The following FLT1 variants were observed in gnomAD, a reference collection of about 807,000 sequenced individuals.
FLT1 encodes the protein fms related receptor tyrosine kinase 1.
Under a neutral mutation model 156.3 loss-of-function variants are expected in FLT1, and 49 were observed. The observed-to-expected ratio is 0.31, with a 90% CI of 0.25 to 0.40. The LOEUF (loss-of-function observed/expected upper bound fraction) is 0.40. Among genes scored for constraint, FLT1 ranks in the 10% least tolerant of loss-of-function variants. FLT1 has a pLI of 1.00. For missense variants in FLT1, 1,322 were observed against 1,637.2 expected (o/e 0.81, Z 3.32); for synonymous variants, 594 against 583.8 (o/e 1.02, Z -0.25).
At chr13:28,487,275 T>C (rs560294534) in intron 1 of FLT1, among the ~76,000 whole-genome samples, 1 of 152,382 alleles carries the variant, frequency 6.6e-6, no homozygotes, top group South Asian at 2.1e-4. Context: ...AAGGCTTTCA[T>C]AGACATCACT....
At chr13:28,467,182 A>T in intron 2 of FLT1, 53 bp from the exon 3 acceptor site, 1 of 1,318,798 alleles carries the variant, frequency 7.6e-7, no homozygotes, top group East Asian at 2.3e-5. Flanking sequence ...CCCTAGGCTC[A>T]GCACCAGTTC....
At chr13:28,364,937 C>T (rs1280968124) in intron 14 of FLT1, among the ~76,000 whole-genome samples, 1 of 152,048 alleles carries the variant, frequency 6.6e-6, no homozygotes, top group East Asian at 1.9e-4. Flanking sequence ...TACTTCAATA[C>T]TTTATACTTC....
chr13:28,472,328 G>A (rs1880222307), intron 1 of FLT1, among the ~76,000 whole-genome samples: 1 of 152,196 alleles, frequency 6.6e-6, no homozygotes, highest in African/African-American at 2.4e-5. Context: ...AAGCCCAGAT[G>A]ATTGAGGCTC....
intron 8 of FLT1, among the ~76,000 whole-genome samples, 181 bp from the exon 9 acceptor site, chr13:28,428,102 G>T (rs1161304413): frequency 6.6e-6 from 1 of 152,102 alleles, no homozygotes; most frequent in African/African-American, 2.4e-5. Context: ...TTTAGACTGG[G>T]TAACACTTCA....
chr13:28,460,688 C>T (rs933936382), intron 3 of FLT1, among the ~76,000 whole-genome samples: 2 of 126,522 alleles, frequency 1.6e-5, no homozygotes, highest in East Asian at 5.6e-4. Flanking sequence ...AATCACAGTG[C>T]TTACAATTGG....
chr13:28,371,923 G>C (rs1873587212), intron 14 of FLT1, among the ~76,000 whole-genome samples: 1 of 151,188 alleles, frequency 6.6e-6, no homozygotes, highest in Non-Finnish European at 1.5e-5. Context: ...TTTCCCATTA[G>C]AATGTAAATT....
chr13:28,446,820 A>G (rs1369104703), intron 3 of FLT1, among the ~76,000 whole-genome samples: 2 of 152,232 alleles, frequency 1.3e-5, no homozygotes, highest in Non-Finnish European at 2.9e-5. Flanking sequence ...TGAAATTGCA[A>G]GAGACCCAGA....
chr13:28,310,170 G>A lies in FLT1; in HGVS notation c.3636-1243C>T, dbSNP rs575414034. ...CTCCCAGAGTGCTGGGATTACAGGC[G>A]TGAGCCACTGTGCCCGGCCGCAAGC... On this transcript the variant is annotated intron_variant, in intron 27 of 29. Transcript: ENST00000282397. 3.2e-4 allele frequency among the ~76,000 whole-genome samples: 49 copies of A among 152,228 alleles called. No homozygotes were observed. The East Asian group carries it at 7.5e-3, about 23-fold the overall frequency.
Position 28,439,200 on chromosome 13 carries a change from C to T in FLT1, c.389-855G>A, listed in dbSNP as rs1412608651. On this transcript the variant is annotated intron_variant, in intron 3 of 29. Coordinates refer to ENST00000282397, the MANE Select transcript of FLT1 (RefSeq NM_002019.4). This position sits in a 1 kb window ranked among gnomAD's most constrained non-coding sequence, Gnocchi z 4.1. ...CCTTTTAGAAACATTCTCAGTCTAC[C>T]CTGCCCTTGCCCTCGGGAATCTATT... is the stretch of plus-strand genomic sequence containing the variant. Among the ~76,000 whole-genome samples the T allele has an allele frequency of 6.6e-6, 1 of 152,166 alleles. No homozygotes were observed. Among genetic ancestry groups the T allele is most frequent in the African/African-American group, 2.4e-5 (1 of 41,432 alleles).
chr13:28,451,160 C>T (rs1365996747), intron 3 of FLT1, among the ~76,000 whole-genome samples: 4 of 152,304 alleles, frequency 2.6e-5, no homozygotes, highest in Admixed American at 1.3e-4. Flanking sequence ...CGGTGGCTGA[C>T]GCCTGTCATC....
chr13:28,392,401 G>T (rs938214860), intron 12 of FLT1, among the ~76,000 whole-genome samples: 10 of 152,172 alleles, frequency 6.6e-5, no homozygotes, highest in Admixed American at 6.5e-5. Flanking sequence ...CCAAGCATGA[G>T]GAGTAAAACA....
chr13:28,452,643 C>T (rs182271171), intron 3 of FLT1, among the ~76,000 whole-genome samples: 131 of 152,234 alleles, frequency 8.6e-4, no homozygotes, highest in African/African-American at 2.9e-3. Flanking sequence ...AGTTGTTCTG[C>T]CATCTAGGAT....
chr13:28,442,701 TACACAC>T (rs111263665), intron 3 of FLT1, among the ~76,000 whole-genome samples: 52 of 147,006 alleles, frequency 3.5e-4, no homozygotes, highest in East Asian at 1.2e-3. Context: ...TGACTGTAGA[TACACAC>T]ACACACACAC....
At chr13:28,492,865 T>G (rs1365496470) in intron 1 of FLT1, among the ~76,000 whole-genome samples, 2 of 152,184 alleles carry the variant, frequency 1.3e-5, no homozygotes, top group African/African-American at 4.8e-5. Context: ...TAACATGAAC[T>G]AACAGAGTGT....
rs1871012176 is a variant in FLT1, at chr13:28,311,718, G to A, written c.3507C>T (p.Tyr1169=). 6.2e-7 allele frequency: 1 copy of A among 1,613,994 alleles called. No individual in the cohort carries two copies. Among genetic ancestry groups the A allele is most frequent in the African/African-American group, 1.3e-5 (1 of 75,032 alleles). ...CTGTCAGTATGGCATTGATTGGGAT[G>A]TAGTCTTTACCATCCTAAAATACCA... ...QANVQQDGKD[Y]IPINAILTGN... Residue 1169 remains tyrosine (Y), a synonymous_variant, in exon 27 of 30, where the codon TAC becomes TAT. Coordinates refer to ENST00000282397, the MANE Select transcript of FLT1 (RefSeq NM_002019.4).
At chr13:28,359,019 G>T (rs112076306) in intron 14 of FLT1, among the ~76,000 whole-genome samples, 1 of 152,110 alleles carries the variant, frequency 6.6e-6, no homozygotes, top group Non-Finnish European at 1.5e-5. Context: ...GATAAAACAG[G>T]CCTGGCCAGA....
intron 25 of FLT1, among the ~76,000 whole-genome samples, chr13:28,315,613 G>A (rs1238447306): frequency 6.7e-6 from 1 of 150,020 alleles, no homozygotes; most frequent in Non-Finnish European, 1.5e-5. Flanking sequence ...GAATTTATAT[G>A]GAAGTAAAAA....
At chr13:28,464,863 T>G (rs1879766839) in intron 3 of FLT1, among the ~76,000 whole-genome samples, 1 of 152,206 alleles carries the variant, frequency 6.6e-6, no homozygotes, top group South Asian at 2.1e-4. Context: ...GGTTTTCTTT[T>G]TATTCATTTA....
chr13:28,381,348 G>A (rs1051842974), intron 14 of FLT1, among the ~76,000 whole-genome samples: 4 of 152,104 alleles, frequency 2.6e-5, no homozygotes, highest in African/African-American at 9.7e-5. Context: ...CTTGAGGTCA[G>A]GAGTTTGAGA....
Sources: allele counts gnomAD v4.1 joint callset (sites outside exome capture counted in the v4.1 genomes callset), GRCh38; gene constraint gnomAD v4.1.1; non-coding constraint Gnocchi (gnomAD v3.1); transcripts MANE v1.5; gene names NCBI Gene and HGNC (gene_info 2026-07-23, HGNC 2026-07-21).